The following MAST4 variants were observed in gnomAD, a reference collection of about 807,000 sequenced individuals.
MAST4 encodes the protein microtubule associated serine/threonine kinase family member 4, also known as microtubule-associated serine/threonine-protein kinase 4.
Under a neutral mutation model 162.7 loss-of-function variants are expected in MAST4, and 89 were observed. The observed-to-expected ratio is 0.55, with a 90% CI of 0.46 to 0.65. The LOEUF (loss-of-function observed/expected upper bound fraction) is 0.65. Ranked by LOEUF, MAST4 falls within the 30% of genes least tolerant of loss-of-function variation. The pLI, the probability that MAST4 is intolerant of heterozygous loss-of-function variation, is 0.00. For missense variants in MAST4, 3,153 were observed against 3,374.0 expected (o/e 0.93, Z 1.62); for synonymous variants, 1,479 against 1,361.1 (o/e 1.09, Z -1.91).
intron 4 of MAST4, among the ~76,000 whole-genome samples, chr5:66,930,445 A>C (rs1742066774): frequency 6.6e-6 from 1 of 152,186 alleles, no homozygotes; most frequent in South Asian, 2.1e-4. Flanking sequence ...CAGGGAAATT[A>C]CCTGGCTTTC....
At chr5:66,895,541 A>G (rs932192759) in intron 3 of MAST4, among the ~76,000 whole-genome samples, 2 of 152,048 alleles carry the variant, frequency 1.3e-5, no homozygotes, top group African/African-American at 2.4e-5. Flanking sequence ...ATCAAACTCC[A>G]TTTGCTCAGG....
chr5:66,677,698 T>C (rs981612282), intron 1 of MAST4, among the ~76,000 whole-genome samples: 1 of 152,116 alleles, frequency 6.6e-6, no homozygotes, highest in Non-Finnish European at 1.5e-5. Flanking sequence ...GAAGAAGTGA[T>C]GTTTAAACCA....
chr5:66,855,729 A>G (rs1456439933), intron 3 of MAST4, among the ~76,000 whole-genome samples: 1 of 152,230 alleles, frequency 6.6e-6, no homozygotes, highest in Non-Finnish European at 1.5e-5. Flanking sequence ...CAGAACATGT[A>G]TGCACCACCA....
At chr5:67,058,244 G>A (rs1307959430) in intron 5 of MAST4, among the ~76,000 whole-genome samples, 1 of 151,968 alleles carries the variant, frequency 6.6e-6, no homozygotes, top group East Asian at 1.9e-4. Flanking sequence ...CCTAGCATGG[G>A]GTCAAAAACC....
At chr5:66,940,739 T>A (rs1271538334) in intron 4 of MAST4, among the ~76,000 whole-genome samples, 1 of 152,190 alleles carries the variant, frequency 6.6e-6, no homozygotes, top group Non-Finnish European at 1.5e-5. Flanking sequence ...CACTTCTGTT[T>A]AGGTTGCTAT....
At chr5:66,856,207 T>A (rs1163154158) in intron 3 of MAST4, among the ~76,000 whole-genome samples, 2 of 152,066 alleles carry the variant, frequency 1.3e-5, no homozygotes, top group Non-Finnish European at 2.9e-5. Context: ...TTGCATGAGG[T>A]TAGTCTGAGC....
At chr5:67,019,067 T>C (rs1291346929) in intron 4 of MAST4, among the ~76,000 whole-genome samples, 1 of 152,246 alleles carries the variant, frequency 6.6e-6, no homozygotes, top group Non-Finnish European at 1.5e-5. Context: ...TATCTCCTGG[T>C]TTATTATCTG....
intron 4 of MAST4, among the ~76,000 whole-genome samples, chr5:66,931,650 G>A (rs979421302): frequency 7.2e-5 from 11 of 152,092 alleles, no homozygotes; most frequent in African/African-American, 2.7e-4. Context: ...TAGAAAGTTT[G>A]GAAATGGTGT....
intron 1 of MAST4, among the ~76,000 whole-genome samples, chr5:66,643,616 T>G (rs1407297955): frequency 6.6e-6 from 1 of 152,088 alleles, no homozygotes; most frequent in African/African-American, 2.4e-5. Flanking sequence ...TACATTTCTC[T>G]TTGGTTTCAG....
At chr5:66,745,811 C>T (rs1752721965) in intron 1 of MAST4, among the ~76,000 whole-genome samples, 1 of 152,182 alleles carries the variant, frequency 6.6e-6, no homozygotes, top group African/African-American at 2.4e-5. Flanking sequence ...TGTTTTCTAG[C>T]TTTAACCTTT....
At position 66,596,408 on chromosome 5, in the gene MAST4, T is replaced by G; in HGVS notation, c.-248T>G. ...GCGCGGGAGCACAGTGGAGCGCAGA[T>G]CGCGGACCCGAGCGGGCATGTCCCC... On this transcript the variant is annotated 5_prime_UTR_variant, in exon 1 of 29. Coordinates refer to ENST00000403625, the MANE Select transcript of MAST4 (RefSeq NM_001164664.2). The G allele has an allele frequency of 1.0e-5, 4 of 386,574 alleles. No individual in the cohort carries two copies. Among genetic ancestry groups the G allele is most frequent in the South Asian group, 1.2e-4 (1 of 8,116 alleles). The allele number at this position is 386,574 out of a possible 1,614,324, so 23.9% of individuals were successfully genotyped here. A position where few individuals can be genotyped will look rare whatever the true frequency, so the allele number is the denominator to read the frequency against.
At chr5:66,642,816 T>A (rs72647212) in intron 1 of MAST4, among the ~76,000 whole-genome samples, 15,686 of 152,246 alleles carry the variant, frequency 0.1, 1,130 homozygotes, top group East Asian at 0.43. Flanking sequence ...TGTATTGCAC[T>A]CTCTTACAAC....
chr5:66,826,336 G>C (rs955139637), intron 3 of MAST4, among the ~76,000 whole-genome samples: 3 of 151,304 alleles, frequency 2.0e-5, no homozygotes, highest in Non-Finnish European at 4.4e-5. Flanking sequence ...ATATTCCTTT[G>C]TTAAGAAACA....
rs775663659 is a variant in MAST4, at chr5:67,164,815, C to T, written c.5636C>T (p.Pro1879Leu). ...CTGCTGGAGCCTTGGTTCCTGCCCC[C>T]CAGCCGAGGTCTCCAGAATTCACCA... is the stretch of plus-strand genomic sequence containing the variant. ...SYLLEPWFLP[P>L]SRGLQNSPAV... The change falls in exon 29 of 29, where the codon CCC becomes CTC. Residue 1879 changes from proline (P) to leucine (L), a missense_variant. Around this residue, in one of 7 missense-constraint regions of MAST4, gnomAD observed 1,644 missense variants for 1,495.0 expected, o/e 1.10. Transcript: ENST00000403625. This position sits in a 1 kb window ranked among gnomAD's most constrained non-coding sequence, Gnocchi z 5.3. The T allele has an allele frequency of 6.2e-7, 1 of 1,613,906 alleles. No homozygotes were observed. Among genetic ancestry groups the T allele is most frequent in the Admixed American group, 1.7e-5 (1 of 60,010 alleles).
At chr5:67,087,406 A>ATC (rs1763361919) in intron 5 of MAST4, among the ~76,000 whole-genome samples, 1 of 152,154 alleles carries the variant, frequency 6.6e-6, no homozygotes, top group Non-Finnish European at 1.5e-5. Context: ...AACCTCCAGC[A>ATC]TCTCTCTCTT....
At chr5:67,156,461 A>T (rs1022789266) in intron 26 of MAST4, among the ~76,000 whole-genome samples, 2 of 152,226 alleles carry the variant, frequency 1.3e-5, no homozygotes, top group Non-Finnish European at 1.5e-5. Flanking sequence ...TGTTCAACTT[A>T]AGTAACAGAC....
At chr5:67,101,576 T>C (rs1280528665) in intron 8 of MAST4, among the ~76,000 whole-genome samples, 2 of 152,194 alleles carry the variant, frequency 1.3e-5, no homozygotes, top group African/African-American at 4.8e-5. Context: ...TGCACTTTGA[T>C]ATATTAAGGT....
intron 1 of MAST4, among the ~76,000 whole-genome samples, chr5:66,706,574 G>A (rs984794609): frequency 4.0e-5 from 6 of 151,538 alleles, no homozygotes; most frequent in Admixed American, 4.0e-4. Context: ...TTCCAAGAAA[G>A]TGTGTGTTCT....
chr5:66,783,457 T>G (rs1754971481), intron 2 of MAST4: 2 of 152,202 alleles, frequency 1.3e-5, no homozygotes, highest in Admixed American at 1.3e-4. Context: ...CAGTCTGACA[T>G]TAAAGTCAAC....
Sources: allele counts gnomAD v4.1 joint callset (sites outside exome capture counted in the v4.1 genomes callset), GRCh38; gene constraint gnomAD v4.1.1; regional missense constraint gnomAD v4.1.1; non-coding constraint Gnocchi (gnomAD v3.1); transcripts MANE v1.5; gene names NCBI Gene and HGNC (gene_info 2026-07-23, HGNC 2026-07-21).